C17orf99: variants seen among roughly 807,000 people sequenced by gnomAD.
C17orf99 encodes chromosome 17 open reading frame 99.
C17orf99 carries 18 observed loss-of-function variants against 22.6 expected under a neutral mutation model. That is an observed-to-expected ratio of 0.80 (90% CI 0.55 to 1.18). The LOEUF is 1.18. C17orf99 is among the 50% of genes most tolerant of loss of function. The probability of loss-of-function intolerance (pLI) is 0.00; values close to 1 mark genes in which losing one functional copy is unlikely to be tolerated. For missense variants in C17orf99, 328 were observed against 342.7 expected (o/e 0.96, Z 0.34); for synonymous variants, 147 against 136.6 (o/e 1.08, Z -0.53).
At chr17:78,155,556 A>G (rs535526832) in intron 2 of C17orf99, among the ~76,000 whole-genome samples, 1 of 152,088 alleles carries the variant, frequency 6.6e-6, no homozygotes, top group Non-Finnish European at 1.5e-5. Context: ...GGCTTAAGCA[A>G]TCCTCCCGCC....
chr17:78,155,124 A>ATTTTTTT (rs771330920), intron 2 of C17orf99, among the ~76,000 whole-genome samples: 1 of 104,626 alleles, frequency 9.6e-6, no homozygotes. Context: ...AGCAACCCCT[A>ATTTTTTT]TTTTTTTTTT....
chr17:78,145,728 A>G (rs1471099731), upstream of C17orf99, among the ~76,000 whole-genome samples: 1 of 151,334 alleles, frequency 6.6e-6, no homozygotes, highest in African/African-American at 2.4e-5. Flanking sequence ...GAAGACTCAC[A>G]GCCTTCATTC....
chr17:78,164,230 A>G lies in C17orf99; in HGVS notation c.506A>G (p.His169Arg). Residue 169 changes from histidine to arginine, a missense_variant, in exon 4 of 5, where the codon CAC becomes CGC. Transcript: ENST00000340363. The stretch of plus-strand genomic sequence containing the variant: ...CTGATCGGGAAGGATGGGCAGGTCC[A>G]CCTGCAGCAGAGACCATGCCACAGG... ...NSLIGKDGQV[H>R]LQQRPCHRQP... is the part of the protein sequence containing the mutation. 6.4e-7 allele frequency: 1 copy of G among 1,551,542 alleles called. No individual in the cohort carries two copies. Among genetic ancestry groups the G allele is most frequent in the Non-Finnish European group, 8.7e-7 (1 of 1,147,006 alleles).
At chr17:78,154,478 G>A (rs1255285970) in intron 2 of C17orf99, among the ~76,000 whole-genome samples, 1 of 152,026 alleles carries the variant, frequency 6.6e-6, no homozygotes, top group African/African-American at 2.4e-5. Context: ...AACCCGGGAG[G>A]CAGAGGTTGC....
chr17:78,152,082 G>A (rs1462976189), intron 2 of C17orf99, among the ~76,000 whole-genome samples: 2 of 152,152 alleles, frequency 1.3e-5, no homozygotes, highest in Non-Finnish European at 2.9e-5. Context: ...TTCCTGTCCC[G>A]AGGGCAGCCC....
chr17:78,165,750 C>T (rs755900978), intron 4 of C17orf99, 139 bp from the exon 5 acceptor site: 13 of 1,200,992 alleles, frequency 1.1e-5, no homozygotes, highest in Admixed American at 4.1e-5. Context: ...TGCAGTGAGC[C>T]GAGATCGTGC....
intron 2 of C17orf99, among the ~76,000 whole-genome samples, chr17:78,149,866 C>T (rs774071473): frequency 2.6e-5 from 4 of 151,886 alleles, no homozygotes; most frequent in South Asian, 2.1e-4. Context: ...CATGCCACCA[C>T]GCCCAGCTAA....
At chr17:78,152,736 G>T (rs2075494941) in intron 2 of C17orf99, among the ~76,000 whole-genome samples, 1 of 150,862 alleles carries the variant, frequency 6.6e-6, no homozygotes, top group Non-Finnish European at 1.5e-5. Context: ...GCCTCCAAAA[G>T]CTCTGGGATT....
intron 2 of C17orf99, chr17:78,157,355 C>T (rs1473064891): frequency 7.4e-5 from 69 of 931,726 alleles, no homozygotes; most frequent in South Asian, 1.3e-4. Flanking sequence ...GCGGTGGGCT[C>T]GGAGGCTCAC....
At chr17:78,156,904 C>T (rs2075529437) in intron 2 of C17orf99, among the ~76,000 whole-genome samples, 2 of 151,100 alleles carry the variant, frequency 1.3e-5, no homozygotes, top group Admixed American at 1.3e-4. Context: ...CAGTGGCCAC[C>T]GTGCCTGGAC....
intron 2 of C17orf99, chr17:78,157,738 G>A (rs1193255183): frequency 1.2e-5 from 6 of 496,030 alleles, no homozygotes; most frequent in Middle Eastern, 6.9e-4. Flanking sequence ...CAGAGCTTGC[G>A]GTGAGCCGAG....
At chr17:78,148,203 T>C (rs2075450430) in intron 2 of C17orf99, among the ~76,000 whole-genome samples, 1 of 143,912 alleles carries the variant, frequency 6.9e-6, no homozygotes, top group Non-Finnish European at 1.5e-5. Context: ...ACCGACACAG[T>C]GAGACCCCCA....
chr17:78,145,837 C>G (rs1166049003), upstream of C17orf99, among the ~76,000 whole-genome samples: 1 of 150,162 alleles, frequency 6.7e-6, no homozygotes, highest in East Asian at 1.9e-4. Flanking sequence ...ACTCTGTTGC[C>G]CAGGCTGGAG....
intron 2 of C17orf99, among the ~76,000 whole-genome samples, chr17:78,152,070 G>T (rs1053180397): frequency 6.6e-6 from 1 of 152,162 alleles, no homozygotes; most frequent in Non-Finnish European, 1.5e-5. Context: ...GCTTGGCTTA[G>T]CTTCCTGTCC....
chr17:78,162,233 G>C lies in C17orf99; in HGVS notation c.370+979G>C, dbSNP rs2075583436. On this transcript the variant is annotated intron_variant, in intron 3 of 4. Transcript: ENST00000340363. ...GAAGGTTGCAGTGAGCCAAGGTCGT[G>C]CTGCTGCATGCCAGCCTGGGTGACA... Among the ~76,000 whole-genome samples the C allele has an allele frequency of 2.7e-5, 4 of 149,232 alleles. No homozygotes were observed. The Admixed American group carries it at 2.7e-4, about 10-fold the overall frequency.
chr17:78,146,994 C>A lies in C17orf99; in HGVS notation c.70+83C>A. The A allele has an allele frequency of 1.6e-6, 2 of 1,251,664 alleles. No individual in the cohort carries two copies. Among genetic ancestry groups the A allele is most frequent in the Non-Finnish European group, 1.1e-6 (1 of 874,548 alleles). The allele number at this position is 1,251,664 out of a possible 1,614,324, so 77.5% of individuals were successfully genotyped here. A position where few individuals can be genotyped will look rare whatever the true frequency, so the allele number is the denominator to read the frequency against. Reference sequence around the variant, plus strand: ...ACCCCCATGGTGGAGGGCGCCTCGGCTGGGAAGGGAGTTACTAGTGGGGAG... The same window carrying A: ...ACCCCCATGGTGGAGGGCGCCTCGGATGGGAAGGGAGTTACTAGTGGGGAG... On this transcript the variant is annotated intron_variant, in intron 2 of 4. Coordinates refer to ENST00000340363, the MANE Select transcript of C17orf99 (RefSeq NM_001163075.2). The surrounding 1 kb of genome is among the most constrained non-coding windows in gnomAD (Gnocchi z 5.2).
chr17:78,165,109 G>A (rs184168681), intron 4 of C17orf99: 1 of 1,044,984 alleles, frequency 9.6e-7, no homozygotes, highest in East Asian at 1.1e-4. Context: ...CCTCTCCAAG[G>A]CCATGGCTTT....
At chr17:78,149,072 C>T (rs1284294246) in intron 2 of C17orf99, among the ~76,000 whole-genome samples, 1 of 152,102 alleles carries the variant, frequency 6.6e-6, no homozygotes, top group East Asian at 1.9e-4. Flanking sequence ...CTGCTCACGC[C>T]TGGAATCCCA....
intron 2 of C17orf99, among the ~76,000 whole-genome samples, chr17:78,151,423 CAAA>C (rs35828431): frequency 1.8e-5 from 1 of 56,180 alleles, no homozygotes; most frequent in African/African-American, 6.8e-5. Flanking sequence ...GACTCTGTCT[CAAA>C]AAAAAAAAAA....
Sources: gnomAD v4.1 joint callset for allele counts (sites outside exome capture counted in the v4.1 genomes callset) on GRCh38, gnomAD v4.1.1 for gene constraint, Gnocchi (gnomAD v3.1) non-coding constraint, MANE v1.5 for transcripts, NCBI Gene and HGNC (gene_info 2026-07-23, HGNC 2026-07-21) for gene names.